Variants in RAB12 observed in about 807,000 individuals in gnomAD.
RAB12 encodes the protein RAB12, member RAS oncogene family.
RAB12 carries 11 observed loss-of-function variants against 28.4 expected under a neutral mutation model. The observed-to-expected ratio is 0.39, with a 90% CI of 0.24 to 0.64. The LOEUF is 0.64. Ranked by LOEUF, RAB12 falls within the 30% of genes least tolerant of loss-of-function variation. RAB12 has a pLI of 0.50. For synonymous variants in RAB12, 138 were observed against 145.3 expected (o/e 0.95, Z 0.36); for missense variants, 276 against 351.1 (o/e 0.79, Z 1.71).
At position 8,638,278 on chromosome 18, in the gene RAB12, A is replaced by G; in HGVS notation, c.*16A>G. The G allele has an allele frequency of 6.5e-7, 1 of 1,546,574 alleles. No homozygotes were observed. Among genetic ancestry groups the G allele is most frequent in the South Asian group, 1.1e-5 (1 of 89,464 alleles). On this transcript the variant is annotated 3_prime_UTR_variant, in exon 6 of 6. Coordinates refer to ENST00000649141, the MANE Select transcript of RAB12 (RefSeq NM_001025300.3). ...ATGCTGTTGATTTCCTACTTTGGAG[A>G]CAAAGTGGAAATGATTCCTGGAAAG...
intron 1 of RAB12, among the ~76,000 whole-genome samples, chr18:8,612,156 G>A (rs1471893452): frequency 6.6e-6 from 1 of 152,204 alleles, no homozygotes; most frequent in Non-Finnish European, 1.5e-5. Context: ...GGAGCTTCTG[G>A]GAGCTGCGTG....
chr18:8,623,839 G>A (rs575162310), intron 1 of RAB12, among the ~76,000 whole-genome samples: 1 of 152,370 alleles, frequency 6.6e-6, no homozygotes, highest in Admixed American at 6.5e-5. Flanking sequence ...CCTAGGGCAG[G>A]AGGGCTGCCT....
chr18:8,628,181 T>C (rs1257905108), intron 2 of RAB12, among the ~76,000 whole-genome samples: 1 of 152,208 alleles, frequency 6.6e-6, no homozygotes, highest in Non-Finnish European at 1.5e-5. Flanking sequence ...TGCCTTTTCA[T>C]AGAAAGGTGA....
At chr18:8,611,511 C>T (rs1013350866) in intron 1 of RAB12, among the ~76,000 whole-genome samples, 1 of 152,116 alleles carries the variant, frequency 6.6e-6, no homozygotes. Flanking sequence ...ATTTTCTAAG[C>T]CTGGCAGCAG....
In RAB12 at chr18:8,609,779, G is replaced by C; in HGVS notation, c.340G>C (p.Gly114Arg). The change falls in exon 1 of 6, where the codon GGC becomes CGC. Residue 114 changes from glycine (G) to arginine (R), a missense_variant. Transcript: ENST00000649141. Reference sequence around the variant, plus strand: ...GCGGGCCGGGGGCGGCGGCGGTCTGGGCGCGGGCTCCCCGGCGCTGTCGGG... The same window carrying C: ...GCGGGCCGGGGGCGGCGGCGGTCTGCGCGCGGGCTCCCCGGCGCTGTCGGG... ...QRRAGGGGGL[G>R]AGSPALSGGQ... 1 of 1,325,556 alleles carries C rather than the reference G, an allele frequency of 7.5e-7. No individual in the cohort carries two copies. Among genetic ancestry groups the C allele is most frequent in the Non-Finnish European group, 9.6e-7 (1 of 1,039,428 alleles). The allele number at this position is 1,325,556 out of a possible 1,614,324, so 82.1% of individuals were successfully genotyped here.
Position 8,609,757 on chromosome 18 carries a change from G to C in RAB12, c.318G>C (p.Arg106=), listed in dbSNP as rs1028206841. 4 of 1,253,514 alleles carry C rather than the reference G, an allele frequency of 3.2e-6. No homozygotes were observed. The highest frequency in any genetic ancestry group is 4.0e-6 in the Non-Finnish European group (4 of 999,374). The allele number at this position is 1,253,514 out of a possible 1,614,324, so 77.6% of individuals were successfully genotyped here. ...CMDPGAALQR[R]AGGGGGLGAG... is the part of the protein sequence containing the mutation. Reference sequence around the variant, plus strand: ...ATCCGGGCGCCGCGCTGCAGAGGCGGGCCGGGGGCGGCGGCGGTCTGGGCG... The same window carrying C: ...ATCCGGGCGCCGCGCTGCAGAGGCGCGCCGGGGGCGGCGGCGGTCTGGGCG... Residue 106 remains arginine, a synonymous_variant, in exon 1 of 6, where the codon CGG becomes CGC. Transcript: ENST00000649141.
intron 1 of RAB12, among the ~76,000 whole-genome samples, chr18:8,624,457 C>G (rs1311964869): frequency 6.6e-6 from 1 of 151,958 alleles, no homozygotes; most frequent in East Asian, 1.9e-4. Flanking sequence ...TTATATTTAC[C>G]TAAAATTTTC....
At chr18:8,635,775 G>T in intron 4 of RAB12, 153 bp downstream of exon 4, 1 of 535,546 alleles carries the variant, frequency 1.9e-6, no homozygotes. Flanking sequence ...GCACTTTTTT[G>T]ACTTCGTGCT....
At chr18:8,614,520 A>AAAAAAAAAAAAG (rs1567892288) in intron 1 of RAB12, among the ~76,000 whole-genome samples, 9 of 127,626 alleles carry the variant, frequency 7.1e-5, no homozygotes, top group East Asian at 2.1e-4. Context: ...AAAAAAAAAG[A>AAAAAAAAAAAAG]AAAAAAAAAG....
At chr18:8,627,380 T>C (rs1490532191) in intron 2 of RAB12, among the ~76,000 whole-genome samples, 1 of 152,264 alleles carries the variant, frequency 6.6e-6, no homozygotes, top group Admixed American at 6.5e-5. Flanking sequence ...GAGGATCTTG[T>C]TGGAAGAAGT....
At chr18:8,629,366 A>T (rs1336518956) in intron 2 of RAB12, among the ~76,000 whole-genome samples, 1 of 152,206 alleles carries the variant, frequency 6.6e-6, no homozygotes, top group African/African-American at 2.4e-5. Flanking sequence ...TGCTTTTAGA[A>T]ATCCTGAAGA....
intron 1 of RAB12, among the ~76,000 whole-genome samples, chr18:8,616,861 C>G (rs1287670153): frequency 3.3e-5 from 5 of 152,062 alleles, no homozygotes; most frequent in Non-Finnish European, 5.9e-5. Context: ...CCAGGGAGAT[C>G]TAGGCTGCAG....
chr18:8,622,691 A>T (rs2096010550), intron 1 of RAB12, among the ~76,000 whole-genome samples: 1 of 152,158 alleles, frequency 6.6e-6, no homozygotes, highest in Admixed American at 6.5e-5. Context: ...TTTTGAGAGC[A>T]ACCGGTCTGA....
intron 1 of RAB12, among the ~76,000 whole-genome samples, chr18:8,617,781 A>C (rs878917945): frequency 6.6e-6 from 1 of 152,122 alleles, no homozygotes; most frequent in Admixed American, 6.5e-5. Context: ...CCCAGGTTCA[A>C]ATCTGTGCCC....
At chr18:8,624,825 G>A (rs554608218) in intron 1 of RAB12, 113 bp from the exon 2 acceptor site, 42 of 715,094 alleles carry the variant, frequency 5.9e-5, no homozygotes, top group Admixed American at 4.2e-4. Context: ...GTCAGGTTTC[G>A]TGGGGTTTTC....
chr18:8,620,042 G>A (rs2096008886), intron 1 of RAB12, among the ~76,000 whole-genome samples: 1 of 151,626 alleles, frequency 6.6e-6, no homozygotes, highest in South Asian at 2.1e-4. Context: ...GCTGAGGTGG[G>A]AGGATCACCC....
intron 1 of RAB12, among the ~76,000 whole-genome samples, chr18:8,610,312 C>T (rs1455002371): frequency 6.6e-6 from 1 of 152,236 alleles, no homozygotes; most frequent in African/African-American, 2.4e-5. Flanking sequence ...ACGCCTAAGG[C>T]CGCTCTCGCC....
At chr18:8,628,207 A>T (rs545052320) in intron 2 of RAB12, among the ~76,000 whole-genome samples, 1 of 152,204 alleles carries the variant, frequency 6.6e-6, no homozygotes, top group African/African-American at 2.4e-5. Context: ...TGATCAGTGC[A>T]TTGATGTAAT....
chr18:8,623,069 G>T (rs191407988), intron 1 of RAB12, among the ~76,000 whole-genome samples: 7 of 152,034 alleles, frequency 4.6e-5, no homozygotes, highest in Admixed American at 2.6e-4. Context: ...TCTACAATTT[G>T]TGCAGTTAAC....
Sources: gnomAD v4.1 joint callset for allele counts (sites outside exome capture counted in the v4.1 genomes callset) on GRCh38, gnomAD v4.1.1 for gene constraint, MANE v1.5 for transcripts, NCBI Gene and HGNC (gene_info 2026-07-23, HGNC 2026-07-21) for gene names.